MGAT4C: variants seen among roughly 807,000 people sequenced by gnomAD.
The protein encoded by MGAT4C is alpha-1,3-mannosyl-glycoprotein 4-beta-N-acetylglucosaminyltransferase C.
Under a neutral mutation model 40.1 loss-of-function variants are expected in MGAT4C, and 19 were observed. The observed-to-expected ratio is 0.47, with a 90% CI of 0.33 to 0.70. The LOEUF is 0.70. Among genes scored for constraint, MGAT4C ranks in the 30% least tolerant of loss-of-function variants. The pLI, the probability that MGAT4C is intolerant of heterozygous loss-of-function variation, is 0.02. For missense variants in MGAT4C, 491 were observed against 563.2 expected, an observed-to-expected ratio of 0.87 and a Z score of 1.30; for synonymous variants, 181 against 187.1, an observed-to-expected ratio of 0.97 and a Z score of 0.27.
chr12:86,726,742 TATAAAG>T (rs1378989396), intron 2 of MGAT4C, among the ~76,000 whole-genome samples: 2 of 152,134 alleles, frequency 1.3e-5, no homozygotes, highest in African/African-American at 2.4e-5. Flanking sequence ...GGTAGTTACA[TATAAAG>T]ATAAATAAGT....
At chr12:86,387,150 T>A (rs1381658878) in intron 3 of MGAT4C, among the ~76,000 whole-genome samples, 1 of 152,190 alleles carries the variant, frequency 6.6e-6, no homozygotes, top group Non-Finnish European at 1.5e-5. Flanking sequence ...GTGTACATAG[T>A]TGTCTGAATT....
At chr12:86,337,204 G>A (rs1292464521) in intron 3 of MGAT4C, among the ~76,000 whole-genome samples, 4 of 152,104 alleles carry the variant, frequency 2.6e-5, no homozygotes, top group Non-Finnish European at 1.5e-5. Flanking sequence ...GGTCCTGGGA[G>A]TTACAAAGTG....
chr12:86,433,249 A>C (rs916318353), intron 3 of MGAT4C, among the ~76,000 whole-genome samples: 53 of 151,942 alleles, frequency 3.5e-4, no homozygotes, highest in African/African-American at 1.1e-3. Context: ...AAAGGAAAAA[A>C]ACACACACAC....
chr12:86,290,756 C>A (rs1429533959), intron 4 of MGAT4C, among the ~76,000 whole-genome samples: 1 of 150,964 alleles, frequency 6.6e-6, no homozygotes, highest in Non-Finnish European at 1.5e-5. Context: ...ACAATAACCA[C>A]AAGAAACCAT....
intron 3 of MGAT4C, among the ~76,000 whole-genome samples, chr12:86,347,011 G>C (rs909431041): frequency 1.3e-5 from 2 of 152,082 alleles, no homozygotes; most frequent in Admixed American, 1.3e-4. Flanking sequence ...TTTGCCAGGG[G>C]CTCTCGGGCC....
At chr12:86,023,642 TATATAA>T (rs1417108741) in intron 2 of MGAT4C, among the ~76,000 whole-genome samples, 4 of 149,332 alleles carry the variant, frequency 2.7e-5, no homozygotes, top group Non-Finnish European at 5.9e-5. Flanking sequence ...TATTTATTAT[TATATAA>T]ATATAATAAA....
At position 86,096,579 on chromosome 12, in the gene MGAT4C, CT is replaced by C. The variant is rs533574003; in HGVS notation, c.-56-46857del. On this transcript the variant is annotated intron_variant, in intron 1 of 4. Transcript: ENST00000611864. Reference sequence around the variant, plus strand: ...TTCTAAAATAATTTGTTTTGGATTACTTTTTTTTCCTCGAATCTTTTTTTTA... The same window carrying C: ...TTCTAAAATAATTTGTTTTGGATTACTTTTTTTCCTCGAATCTTTTTTTTA... Among the ~76,000 whole-genome samples the C allele has an allele frequency of 7.3e-5, 11 of 151,224 alleles. No individual in the cohort carries two copies. In the South Asian group the frequency reaches 1.9e-3, roughly 26 times the overall value.
At chr12:86,617,067 A>T (rs1329591004) in intron 2 of MGAT4C, among the ~76,000 whole-genome samples, 1 of 152,208 alleles carries the variant, frequency 6.6e-6, no homozygotes, top group Non-Finnish European at 1.5e-5. Context: ...TATTTTAAAA[A>T]TATTTACTAT....
chr12:86,669,383 C>T (rs1593097780), intron 2 of MGAT4C, among the ~76,000 whole-genome samples: 1 of 152,052 alleles, frequency 6.6e-6, no homozygotes, highest in Non-Finnish European at 1.5e-5. Flanking sequence ...CTGTTTGCCT[C>T]GTTCAGCAGC....
intron 1 of MGAT4C, among the ~76,000 whole-genome samples, chr12:86,782,507 G>T (rs1014915298): frequency 1.3e-5 from 2 of 151,910 alleles, no homozygotes; most frequent in African/African-American, 4.8e-5. Flanking sequence ...TTAAAATTAG[G>T]ATTTATTTGG....
chr12:86,707,354 A>C (rs1950476048), intron 2 of MGAT4C, among the ~76,000 whole-genome samples: 1 of 152,134 alleles, frequency 6.6e-6, no homozygotes, highest in Non-Finnish European at 1.5e-5. Flanking sequence ...AATAAAGTAT[A>C]GGCTGAGGTG....
At chr12:86,819,600 T>C (rs765050368) in intron 1 of MGAT4C, among the ~76,000 whole-genome samples, 4 of 150,914 alleles carry the variant, frequency 2.7e-5, no homozygotes, top group Non-Finnish European at 6.0e-5. Context: ...AGTTATTTCT[T>C]TATTGGAAAA....
intron 1 of MGAT4C, among the ~76,000 whole-genome samples, chr12:86,063,383 A>C (rs536514538): frequency 6.6e-6 from 1 of 152,326 alleles, no homozygotes; most frequent in East Asian, 1.9e-4. Context: ...AGCACGAAAC[A>C]TGGAAAAGAA....
rs1958147925 is a variant in MGAT4C at position 86,492,036 on chromosome 12, C to T, written c.-228-56771G>A. Among the ~76,000 whole-genome samples the T allele has an allele frequency of 5.9e-5, 9 of 152,244 alleles. No homozygotes were observed. The South Asian group carries it at 1.4e-3, about 25-fold the overall frequency. On this transcript the variant is annotated intron_variant, in intron 2 of 7. Transcript: ENST00000548651. ...CAGAGAGCCAAATCACGAGTGAACT[C>T]CCATTCACAATTGCTTCAAAGAGAA...
intron 1 of MGAT4C, among the ~76,000 whole-genome samples, chr12:86,078,004 G>A (rs774992339): frequency 4.6e-5 from 7 of 152,078 alleles, no homozygotes; most frequent in Non-Finnish European, 8.8e-5. Flanking sequence ...TCCTCCCTCT[G>A]GAACTAAGAC....
intron 1 of MGAT4C, among the ~76,000 whole-genome samples, chr12:86,755,432 T>A (rs1432858875): frequency 2.0e-5 from 3 of 152,178 alleles, no homozygotes; most frequent in African/African-American, 7.2e-5. Context: ...ATGCACTGAT[T>A]TCATAGATTT....
chr12:86,402,881 G>T (rs1956396049), intron 3 of MGAT4C, among the ~76,000 whole-genome samples: 1 of 152,078 alleles, frequency 6.6e-6, no homozygotes, highest in Admixed American at 6.6e-5. Context: ...AGAAAAAGTG[G>T]AATTATTATT....
At chr12:86,077,158 C>T (rs12299416) in intron 1 of MGAT4C, among the ~76,000 whole-genome samples, 1 of 152,106 alleles carries the variant, frequency 6.6e-6, no homozygotes, top group East Asian at 1.9e-4. Context: ...AACTTTGTAT[C>T]CTTCTGTCCA....
chr12:86,402,289 G>T (rs1956380846), intron 3 of MGAT4C, among the ~76,000 whole-genome samples: 1 of 152,026 alleles, frequency 6.6e-6, no homozygotes, highest in African/African-American at 2.4e-5. Flanking sequence ...GCAAGGCGTG[G>T]TGGCATGTGC....
Sources: allele counts gnomAD v4.1 joint callset (sites outside exome capture counted in the v4.1 genomes callset), GRCh38; gene constraint gnomAD v4.1.1; transcripts MANE v1.5; gene names NCBI Gene and HGNC (gene_info 2026-07-23, HGNC 2026-07-21).